The following NFAM1 variants were observed in gnomAD, a reference collection of about 807,000 sequenced individuals.
NFAM1 encodes NFAT activation molecule 1.
A neutral mutation model predicts 29.0 loss-of-function variants in NFAM1; 17 were observed. That is an observed-to-expected ratio of 0.59 (90% CI 0.40 to 0.88). The LOEUF (loss-of-function observed/expected upper bound fraction) is 0.88. Among genes scored for constraint, NFAM1 ranks in the 40% least tolerant of loss-of-function variants. The pLI is 0.00. For synonymous variants in NFAM1, 175 were observed against 147.2 expected, an observed-to-expected ratio of 1.19 and a Z score of -1.36; for missense variants, 324 against 344.6, an observed-to-expected ratio of 0.94 and a Z score of 0.47.
chr22:42,396,052 A>C (rs1289626480), intron 4 of NFAM1, among the ~76,000 whole-genome samples: 2 of 152,144 alleles, frequency 1.3e-5, no homozygotes, highest in East Asian at 3.8e-4. Context: ...TGATACCATC[A>C]TCGTTGTGAC....
chr22:42,433,889 C>A (rs971625429), upstream of NFAM1, among the ~76,000 whole-genome samples: 1 of 152,128 alleles, frequency 6.6e-6, no homozygotes, highest in Admixed American at 6.6e-5. Flanking sequence ...TGGTGATAGA[C>A]CTCGTGTCAA....
At chr22:42,425,891 T>A (rs1930606140) in intron 1 of NFAM1, among the ~76,000 whole-genome samples, 1 of 151,984 alleles carries the variant, frequency 6.6e-6, no homozygotes, top group Admixed American at 6.6e-5. Flanking sequence ...GTGCTCGGGA[T>A]CACAGATGAA....
chr22:42,426,411 C>A (rs1930623925), intron 1 of NFAM1, among the ~76,000 whole-genome samples: 3 of 152,274 alleles, frequency 2.0e-5, no homozygotes, highest in Non-Finnish European at 4.4e-5. Context: ...TGGCTCTTCT[C>A]GGCACCCTGC....
Position 42,431,067 on chromosome 22 carries a change from G to A in NFAM1, c.121+1170C>T, listed in dbSNP as rs115511685. ...CTCCCCAGGGTAAGTTTCCGGTGAA[G>A]AACATTCTTTACAAGTAAGAGGATC... On this transcript the variant is annotated intron_variant, in intron 1 of 5. Transcript: ENST00000329021. Among the ~76,000 whole-genome samples the A allele has an allele frequency of 9.1e-3, 1,392 of 152,292 alleles. 16 individuals are homozygous for A. Among genetic ancestry groups the A allele is most frequent in the African/African-American group, 0.032 (1,312 of 41,546 alleles).
chr22:42,421,129 G>A (rs528748553), intron 1 of NFAM1, among the ~76,000 whole-genome samples: 2 of 152,284 alleles, frequency 1.3e-5, no homozygotes, highest in African/African-American at 2.4e-5. Context: ...GGAATGCACC[G>A]TGGAAAACTT....
intron 3 of NFAM1, among the ~76,000 whole-genome samples, chr22:42,400,702 T>C (rs1444349207): frequency 6.6e-6 from 1 of 152,240 alleles, no homozygotes; most frequent in Admixed American, 6.5e-5. Context: ...AACCCAGATG[T>C]GTGTCCTCAA....
intron 3 of NFAM1, among the ~76,000 whole-genome samples, chr22:42,404,526 G>T (rs930437391): frequency 3.9e-5 from 6 of 152,034 alleles, no homozygotes; most frequent in Non-Finnish European, 8.8e-5. Context: ...TCCAGCCCAG[G>T]CTCTCACATC....
chr22:42,402,799 G>A (rs371660327), intron 3 of NFAM1, among the ~76,000 whole-genome samples: 267 of 149,758 alleles, frequency 1.8e-3, no homozygotes, highest in African/African-American at 6.3e-3. Context: ...TACTCAAAGC[G>A]CCTCAGACCC....
chr22:42,395,554 C>T (rs1317140602), intron 4 of NFAM1, among the ~76,000 whole-genome samples: 2 of 150,806 alleles, frequency 1.3e-5, no homozygotes, highest in African/African-American at 4.9e-5. Context: ...GTAAAACTTG[C>T]ATTATTCATA....
At position 42,421,875 on chromosome 22, in the gene NFAM1, G is replaced by A. The variant is rs571032103; in HGVS notation, c.122-10139C>T. On this transcript the variant is annotated intron_variant, in intron 1 of 5. Transcript: ENST00000329021. The stretch of plus-strand genomic sequence containing the variant: ...AAGGCCCATCTGAAAGGCTGCGATC[G>A]GGGCTCTCAGAGCCCCAGCCATGTG... Among the ~76,000 whole-genome samples, 165 of 54,956 alleles carry A rather than the reference G, an allele frequency of 3.0e-3. 1 individual carries two copies. The highest frequency in any genetic ancestry group is 6.2e-4 in the South Asian group (1 of 1,612). 36.1% of individuals were successfully genotyped at this position (54,956 alleles called of 152,430 possible).
chr22:42,381,517 G>A lies in NFAM1; in HGVS notation c.*3644C>T, dbSNP rs1057206822. 5 of 152,608 alleles carry A rather than the reference G, an allele frequency of 3.3e-5. No individual in the cohort carries two copies. Among genetic ancestry groups the A allele is most frequent in the Non-Finnish European group, 7.3e-5 (5 of 68,288 alleles). The allele number at this position is 152,608 out of a possible 1,614,324, so 9.5% of individuals were successfully genotyped here. ...CCACCAGGTCAGGGGCCAGTGGGCA[G>A]AGGGAAGCATCAGCTGAGACCCAGA... is the stretch of plus-strand genomic sequence containing the variant. On this transcript the variant is annotated 3_prime_UTR_variant, in exon 6 of 6. Coordinates refer to ENST00000329021, the MANE Select transcript of NFAM1 (RefSeq NM_145912.8).
chr22:42,427,493 G>A (rs111459286), intron 1 of NFAM1, among the ~76,000 whole-genome samples: 2,599 of 152,268 alleles, frequency 0.017, 31 homozygotes, highest in Non-Finnish European at 0.027. Context: ...TGCTGGTCCC[G>A]TGCTGGGAGT....
chr22:42,437,038 C>T (rs1930956988), upstream of NFAM1: 1 of 980,298 alleles, frequency 1.0e-6, no homozygotes, highest in Non-Finnish European at 1.2e-6. Flanking sequence ...TTCTGGGAGG[C>T]AGCAAGGAGC....
rs564179271 is a variant in NFAM1 at position 42,397,864 on chromosome 22, G to C, written c.657C>G (p.Val219=). The C allele has an allele frequency of 3.7e-6, 6 of 1,608,390 alleles. No homozygotes were observed. The East Asian group carries it at 1.1e-4, about 30-fold the overall frequency. ...CGGGGGCCCCGGGACTCACTGTGTA[G>C]ACAGATTCTGAAGGATGCTGCTTGG... ...SSPKQHPSES[V]YTALQRRETE... Residue 219 remains valine, a synonymous_variant, in exon 4 of 6, where the codon GTC becomes GTG. Transcript: ENST00000329021.
Position 42,395,207 on chromosome 22 carries a change from C to T in NFAM1, c.663+2651G>A, listed in dbSNP as rs1271609373. Among the ~76,000 whole-genome samples the T allele has an allele frequency of 3.3e-5, 5 of 151,668 alleles. No homozygotes were observed. In the South Asian group the frequency reaches 8.3e-4, roughly 25 times the overall value. On this transcript the variant is annotated intron_variant, in intron 4 of 5. Coordinates refer to ENST00000329021, the MANE Select transcript of NFAM1 (RefSeq NM_145912.8). ...AAATAAAACAGGCCAAGCGTGGTGG[C>T]TCACGCCTGTAATCCCAGCACTTTA... is the stretch of plus-strand genomic sequence containing the variant.
intron 3 of NFAM1, among the ~76,000 whole-genome samples, chr22:42,402,831 C>CTTT (rs35045065): frequency 0.034 from 3,275 of 96,976 alleles, 296 homozygotes; most frequent in African/African-American, 0.13. Flanking sequence ...TCTGTGCCTT[C>CTTT]TTTTTTTTTT....
At chr22:42,417,676 C>A (rs1043688784) in intron 1 of NFAM1, among the ~76,000 whole-genome samples, 1 of 152,128 alleles carries the variant, frequency 6.6e-6, no homozygotes, top group African/African-American at 2.4e-5. Context: ...GCCTGCCCTG[C>A]TGCAGGGGCA....
intron 3 of NFAM1, among the ~76,000 whole-genome samples, chr22:42,406,217 G>A (rs957950545): frequency 4.5e-5 from 6 of 133,718 alleles, no homozygotes; most frequent in South Asian, 2.3e-4. Context: ...CCACTTGCGC[G>A]AGTCCCTTTG....
chr22:42,424,236 A>T (rs994421350), intron 1 of NFAM1, among the ~76,000 whole-genome samples: 1 of 152,182 alleles, frequency 6.6e-6, no homozygotes, highest in African/African-American at 2.4e-5. Flanking sequence ...TAACACGGTG[A>T]AACCCCACCT....
Sources: allele counts gnomAD v4.1 joint callset (sites outside exome capture counted in the v4.1 genomes callset), GRCh38; gene constraint gnomAD v4.1.1; transcripts MANE v1.5; gene names NCBI Gene and HGNC (gene_info 2026-07-23, HGNC 2026-07-21).